The following COLGALT2 variants were observed in gnomAD, a reference collection of about 807,000 sequenced individuals.
The protein encoded by COLGALT2 is procollagen galactosyltransferase 2.
A neutral mutation model predicts 73.4 loss-of-function variants in COLGALT2; 49 were observed. The observed-to-expected ratio is 0.67, with a 90% CI of 0.53 to 0.85. COLGALT2 has a LOEUF of 0.85. Ranked by LOEUF, COLGALT2 falls within the 40% of genes least tolerant of loss-of-function variation. The pLI is 0.00. For synonymous variants in COLGALT2, 295 were observed against 307.6 expected, an observed-to-expected ratio of 0.96 and a Z score of 0.43; for missense variants, 722 against 790.2, an observed-to-expected ratio of 0.91 and a Z score of 1.03.
Position 183,938,367 on chromosome 1 carries a change from G to C in COLGALT2, c.*394C>G. On this transcript the variant is annotated 3_prime_UTR_variant, in exon 12 of 12. Transcript: ENST00000361927. ...CTAGACCAATAAGTGTGGTCTAGTTGGCCTGGCTGCCTTGACTACATATTT... is the reference window on the plus strand; with the variant it reads ...CTAGACCAATAAGTGTGGTCTAGTTCGCCTGGCTGCCTTGACTACATATTT... The C allele has an allele frequency of 9.7e-7, 1 of 1,035,996 alleles. No individual in the cohort carries two copies. The highest frequency in any genetic ancestry group is 1.2e-6 in the Non-Finnish European group (1 of 860,282). The allele number at this position is 1,035,996 out of a possible 1,614,324, so 64.2% of individuals were successfully genotyped here.
At chr1:183,949,448 T>C (rs780600753) in intron 8 of COLGALT2, among the ~76,000 whole-genome samples, 16 of 152,226 alleles carry the variant, frequency 1.1e-4, no homozygotes, top group Admixed American at 2.0e-4. Flanking sequence ...ACTGGCTTTT[T>C]ACAATGGTGC....
At chr1:183,932,461 G>A (rs918438493), downstream of COLGALT2, among the ~76,000 whole-genome samples, 10 of 152,060 alleles carry the variant, frequency 6.6e-5, no homozygotes, top group African/African-American at 2.2e-4. Context: ...TGTCTTCAAA[G>A]AAGCCCTCCA....
At chr1:183,931,941 C>T (rs1263911785), downstream of COLGALT2, among the ~76,000 whole-genome samples, 2 of 151,138 alleles carry the variant, frequency 1.3e-5, no homozygotes, top group Non-Finnish European at 2.9e-5. Flanking sequence ...TGCCCTTTGA[C>T]ATCGATTTCT....
intron 1 of COLGALT2, among the ~76,000 whole-genome samples, chr1:184,012,733 T>G (rs1337213938): frequency 6.6e-6 from 1 of 152,228 alleles, no homozygotes; most frequent in African/African-American, 2.4e-5. Flanking sequence ...TCTGTTTTGA[T>G]CCTAACTTTG....
intron 1 of COLGALT2, among the ~76,000 whole-genome samples, chr1:184,030,468 T>C (rs1649478010): frequency 6.6e-6 from 1 of 152,244 alleles, no homozygotes; most frequent in African/African-American, 2.4e-5. Context: ...AGCCTTATTA[T>C]TGTCCTACTA....
chr1:184,034,951 G>T (rs1330127157), intron 1 of COLGALT2, among the ~76,000 whole-genome samples: 2 of 152,190 alleles, frequency 1.3e-5, no homozygotes, highest in African/African-American at 2.4e-5. Context: ...TTTAGAAACT[G>T]GGATTTGTAT....
chr1:183,959,564 A>G (rs1018815642), intron 6 of COLGALT2, among the ~76,000 whole-genome samples: 4 of 151,194 alleles, frequency 2.6e-5, no homozygotes, highest in African/African-American at 7.3e-5. Flanking sequence ...TATATCCTCA[A>G]CCTGTCTGTT....
chr1:183,964,140 G>A (rs1670800554), intron 5 of COLGALT2, 120 bp from the exon 6 acceptor site: 2 of 1,088,754 alleles, frequency 1.8e-6, no homozygotes, highest in Non-Finnish European at 2.6e-6. Flanking sequence ...TAAATAAGTG[G>A]TTGTTTCAGG....
At chr1:184,000,801 G>A (rs1671898237) in intron 1 of COLGALT2, among the ~76,000 whole-genome samples, 1 of 151,028 alleles carries the variant, frequency 6.6e-6, no homozygotes. Context: ...ACAATTCTAA[G>A]AGGACAGTGT....
At position 183,936,099 on chromosome 1, in the gene COLGALT2, C is replaced by G. The variant is rs1425429163; in HGVS notation, c.*2662G>C. On this transcript the variant is annotated 3_prime_UTR_variant, in exon 12 of 12. Transcript: ENST00000361927. ...ACGGTTGTCTGTCCAGAAGATCCCA[C>G]GTTAGATCCCAAGAGAAATCCAGAC... 2 of 985,508 alleles carry G rather than the reference C, an allele frequency of 2.0e-6. No homozygotes were observed. Among genetic ancestry groups the G allele is most frequent in the Admixed American group, 1.2e-4 (2 of 16,262 alleles). The allele number at this position is 985,508 out of a possible 1,614,324, so 61.0% of individuals were successfully genotyped here.
At chr1:183,950,367 G>A (rs1285970358) in intron 8 of COLGALT2, among the ~76,000 whole-genome samples, 1 of 151,622 alleles carries the variant, frequency 6.6e-6, no homozygotes, top group Non-Finnish European at 1.5e-5. Context: ...AGAAAACAAA[G>A]CTACTGATAT....
chr1:184,037,367 C>G lies in COLGALT2; in HGVS notation c.-10G>C. 1 of 1,406,822 alleles carries G rather than the reference C, an allele frequency of 7.1e-7. No individual in the cohort carries two copies. The highest frequency in any genetic ancestry group is 9.3e-7 in the Non-Finnish European group (1 of 1,078,526). 87.1% of individuals were successfully genotyped at this position (1,406,822 alleles called of 1,614,324 possible). On this transcript the variant is annotated 5_prime_UTR_variant, in exon 1 of 12. Transcript: ENST00000361927. ...CAGGGCGCGCAGCCATGTTCCGGGC[C>G]GAGGCGGGCGGCGGGGAAGTCCTGG...
At chr1:183,969,687 T>C (rs1670983156) in intron 4 of COLGALT2, among the ~76,000 whole-genome samples, 1 of 152,212 alleles carries the variant, frequency 6.6e-6, no homozygotes, top group African/African-American at 2.4e-5. Flanking sequence ...GGTCTTGATA[T>C]AAGAAGTAAC....
chr1:183,932,403 GAGTT>G (rs1669866345), downstream of COLGALT2, among the ~76,000 whole-genome samples: 1 of 152,122 alleles, frequency 6.6e-6, no homozygotes, highest in Non-Finnish European at 1.5e-5. Context: ...CATGATACAA[GAGTT>G]AGTTGCTGTT....
At chr1:183,987,229 G>A (rs552844155) in intron 1 of COLGALT2, among the ~76,000 whole-genome samples, 7 of 152,032 alleles carry the variant, frequency 4.6e-5, no homozygotes, top group East Asian at 1.9e-4. Context: ...TCCTGTTTTC[G>A]TTCTCCTTTG....
downstream of COLGALT2, among the ~76,000 whole-genome samples, chr1:183,934,698 T>C (rs1382545923): frequency 6.6e-6 from 1 of 152,226 alleles, no homozygotes; most frequent in Non-Finnish European, 1.5e-5. Flanking sequence ...AAGCACGTTA[T>C]AGAAAGCCTC....
chr1:183,948,435 C>T (rs772910624), intron 8 of COLGALT2, among the ~76,000 whole-genome samples: 10 of 152,120 alleles, frequency 6.6e-5, no homozygotes, highest in Non-Finnish European at 1.5e-4. Context: ...ATGTGAAAAC[C>T]AATCAAAGTA....
At chr1:184,006,023 T>G (rs539825755) in intron 1 of COLGALT2, among the ~76,000 whole-genome samples, 215 of 152,340 alleles carry the variant, frequency 1.4e-3, no homozygotes, top group African/African-American at 4.3e-3. Flanking sequence ...TACCAGTTTC[T>G]TTCCCCATCC....
At chr1:183,940,853 C>T (rs1670089961) in intron 10 of COLGALT2, 66 bp from the exon 11 acceptor site, 1 of 1,379,824 alleles carries the variant, frequency 7.2e-7, no homozygotes, top group Non-Finnish European at 1.0e-6. Flanking sequence ...GGATGAAGCA[C>T]AGCTTTGGTT....
Sources: allele counts gnomAD v4.1 joint callset (sites outside exome capture counted in the v4.1 genomes callset), GRCh38; gene constraint gnomAD v4.1.1; transcripts MANE v1.5; gene names NCBI Gene and HGNC (gene_info 2026-07-23, HGNC 2026-07-21).